The following MORC1 variants were observed in gnomAD, a reference collection of about 807,000 sequenced individuals.
The protein encoded by MORC1 is MORC family CW-type zinc finger 1, also known as MORC family CW-type zinc finger protein 1.
In MORC1, 59 loss-of-function variants were observed where a neutral mutation model predicts 134.9. The ratio of observed to expected loss-of-function variants is 0.44; its 90% CI spans 0.35 to 0.54. The LOEUF (loss-of-function observed/expected upper bound fraction) is 0.54, where lower values mean the gene tolerates loss of function less well. MORC1 is among the 20% of genes least tolerant of loss of function. The pLI is 0.00. For synonymous variants in MORC1, 395 were observed against 391.7 expected (o/e 1.01, Z -0.10); for missense variants, 947 against 1,134.5 (o/e 0.83, Z 2.37).
chr3:109,032,463 G>A (rs1357398521), intron 16 of MORC1, among the ~76,000 whole-genome samples: 2 of 152,150 alleles, frequency 1.3e-5, no homozygotes, highest in East Asian at 3.9e-4. Context: ...GTACCAGGTT[G>A]TGGTCTCCCA....
intron 16 of MORC1, among the ~76,000 whole-genome samples, chr3:109,030,417 A>T (rs1949214210): frequency 1.3e-5 from 2 of 152,178 alleles, no homozygotes; most frequent in East Asian, 3.8e-4. Flanking sequence ...CCTGGGAATC[A>T]TCATATCTAC....
chr3:108,974,040 C>T (rs1262778624), intron 24 of MORC1, among the ~76,000 whole-genome samples: 1 of 152,060 alleles, frequency 6.6e-6, no homozygotes, highest in East Asian at 1.9e-4. Context: ...TACAGACACC[C>T]CCACCCCCCC....
intron 8 of MORC1, among the ~76,000 whole-genome samples, chr3:109,079,630 A>C (rs1950488796): frequency 6.6e-6 from 1 of 152,122 alleles, no homozygotes; most frequent in Admixed American, 6.5e-5. Context: ...TACTATTACC[A>C]CTTCTATTTA....
At chr3:109,089,499 T>C (rs1274809908) in intron 8 of MORC1, among the ~76,000 whole-genome samples, 4 of 152,142 alleles carry the variant, frequency 2.6e-5, no homozygotes, top group African/African-American at 9.7e-5. Context: ...AAAGGACTTC[T>C]GAAAATGACT....
chr3:109,021,220 A>C (rs1437642293), intron 17 of MORC1, among the ~76,000 whole-genome samples: 1 of 152,186 alleles, frequency 6.6e-6, no homozygotes, highest in Non-Finnish European at 1.5e-5. Context: ...CCTGATTAAC[A>C]TGCACACTAA....
At chr3:109,044,514 CG>C (rs1350953032) in intron 14 of MORC1, among the ~76,000 whole-genome samples, 1 of 149,112 alleles carries the variant, frequency 6.7e-6, no homozygotes, top group Non-Finnish European at 1.5e-5. Context: ...GCCGATATCA[CG>C]CCACTGCACT....
intron 21 of MORC1, among the ~76,000 whole-genome samples, chr3:108,988,105 C>G (rs1947944605): frequency 6.6e-6 from 1 of 152,076 alleles, no homozygotes; most frequent in Admixed American, 6.6e-5. Context: ...GAGAGGATGT[C>G]AACTCTCTTT....
chr3:109,020,723 T>C (rs6803304), intron 17 of MORC1, among the ~76,000 whole-genome samples: 61,208 of 147,330 alleles, frequency 0.42, 13,397 homozygotes, highest in Middle Eastern at 0.55. Flanking sequence ...CGAGTTTGCG[T>C]CACTGCACTC....
chr3:109,039,622 G>C (rs1949463183), intron 14 of MORC1, among the ~76,000 whole-genome samples: 2 of 152,146 alleles, frequency 1.3e-5, no homozygotes, highest in South Asian at 4.1e-4. Context: ...CGTCATTTCA[G>C]CTCTCAGCCA....
chr3:109,065,950 T>C lies in MORC1; in HGVS notation c.816-2719A>G, dbSNP rs148431832. Among the ~76,000 whole-genome samples the C allele has an allele frequency of 1.9e-3, 284 of 152,156 alleles. 3 individuals carry two copies. Among genetic ancestry groups the C allele is most frequent in the African/African-American group, 6.1e-3 (252 of 41,500 alleles). Reference sequence around the variant, plus strand: ...AGTACCTCATAGTCCCATTTATAAGTGGGAGCTACACACTGAGCACACATG... The same window carrying C: ...AGTACCTCATAGTCCCATTTATAAGCGGGAGCTACACACTGAGCACACATG... On this transcript the variant is annotated intron_variant, in intron 9 of 27. Coordinates refer to ENST00000232603, the MANE Select transcript of MORC1 (RefSeq NM_014429.4).
intron 9 of MORC1, among the ~76,000 whole-genome samples, chr3:109,066,101 T>C (rs893435831): frequency 1.3e-5 from 2 of 152,004 alleles, no homozygotes; most frequent in African/African-American, 4.8e-5. Context: ...ACAGGATCCA[T>C]ACCCCAAACG....
At chr3:109,115,750 T>A (rs932834913) in intron 1 of MORC1, among the ~76,000 whole-genome samples, 2 of 152,204 alleles carry the variant, frequency 1.3e-5, no homozygotes, top group African/African-American at 4.8e-5. Flanking sequence ...TGCCAATGTG[T>A]ACAGGCAGGG....
At chr3:109,019,471 G>A (rs1296456873) in intron 17 of MORC1, among the ~76,000 whole-genome samples, 1 of 151,184 alleles carries the variant, frequency 6.6e-6, no homozygotes, top group African/African-American at 2.4e-5. Context: ...AGAGTCGTTT[G>A]AACAGCTTTG....
chr3:108,994,277 T>G (rs1005333013), intron 21 of MORC1, among the ~76,000 whole-genome samples: 1 of 151,866 alleles, frequency 6.6e-6, no homozygotes, highest in Non-Finnish European at 1.5e-5. Context: ...GACCATCACG[T>G]GCTTAAAAAT....
rs1283685736 is a variant in MORC1 at position 109,085,603 on chromosome 3, G to A, written c.689+7833C>T. The stretch of plus-strand genomic sequence containing the variant: ...AAAATGGCTTTTATCCAAAGACAGG[G>A]AATAATGGATACTGGTGAGGATGTG... On this transcript the variant is annotated intron_variant, in intron 8 of 27. Transcript: ENST00000232603. Among the ~76,000 whole-genome samples the A allele has an allele frequency of 5.3e-5, 8 of 152,060 alleles. 1 individual carries two copies. The highest frequency in any genetic ancestry group is 2.0e-4 in the Admixed American group (3 of 15,262).
chr3:109,110,916 A>T, intron 2 of MORC1, 133 bp from the exon 3 acceptor site: 1 of 619,442 alleles, frequency 1.6e-6, no homozygotes, highest in Non-Finnish European at 2.7e-6. Flanking sequence ...AAAACGTTTC[A>T]CCGTGCTATT....
At chr3:109,072,441 G>T (rs1272591748) in intron 8 of MORC1, among the ~76,000 whole-genome samples, 1 of 152,044 alleles carries the variant, frequency 6.6e-6, no homozygotes, top group Non-Finnish European at 1.5e-5. Flanking sequence ...ACTTCCCGCC[G>T]TCAAGGCACC....
At chr3:109,022,369 A>AC (rs1430324470) in intron 17 of MORC1, among the ~76,000 whole-genome samples, 2 of 152,222 alleles carry the variant, frequency 1.3e-5, no homozygotes, top group Non-Finnish European at 2.9e-5. Flanking sequence ...AATCTGAAAA[A>AC]CACAGCTAAA....
chr3:109,038,719 G>A (rs139382442), intron 14 of MORC1, among the ~76,000 whole-genome samples: 1 of 152,042 alleles, frequency 6.6e-6, no homozygotes, highest in South Asian at 2.1e-4. Context: ...TCTTGTTTTT[G>A]TCAGGTTTGT....
Sources: allele counts gnomAD v4.1 joint callset (sites outside exome capture counted in the v4.1 genomes callset), GRCh38; gene constraint gnomAD v4.1.1; transcripts MANE v1.5; gene names NCBI Gene and HGNC (gene_info 2026-07-23, HGNC 2026-07-21).